Variants in CISD1 observed in about 807,000 individuals in gnomAD.
The protein encoded by CISD1 is CDGSH iron sulfur domain 1.
Under a neutral mutation model 12.0 loss-of-function variants are expected in CISD1, and 8 were observed. The observed-to-expected ratio is 0.67, with a 90% confidence interval of 0.39 to 1.20. The LOEUF is 1.20. CISD1 is among the 50% of genes most tolerant of loss of function. The pLI, the probability that CISD1 is intolerant of heterozygous loss-of-function variation, is 0.01. For synonymous variants in CISD1, 38 were observed against 42.2 expected, an observed-to-expected ratio of 0.90 and a Z score of 0.39; for missense variants, 107 against 132.7, an observed-to-expected ratio of 0.81 and a Z score of 0.95.
At chr10:58,269,960 G>A (rs764659959) in intron 1 of CISD1, among the ~76,000 whole-genome samples, 1 of 152,132 alleles carries the variant, frequency 6.6e-6, no homozygotes, top group African/African-American at 2.4e-5. Flanking sequence ...TTCGCAGAAA[G>A]TCCCGTTATA....
At chr10:58,273,658 C>T (rs1479296856) in intron 1 of CISD1, among the ~76,000 whole-genome samples, 1 of 152,124 alleles carries the variant, frequency 6.6e-6, no homozygotes, top group Non-Finnish European at 1.5e-5. Flanking sequence ...TACAATAGTA[C>T]TCCAATGGAA....
chr10:58,283,554 A>G (rs1055342241), intron 2 of CISD1, among the ~76,000 whole-genome samples: 4 of 152,226 alleles, frequency 2.6e-5, no homozygotes, highest in African/African-American at 9.6e-5. Context: ...GAGAAGGAAG[A>G]TAGTCTTTAA....
rs1321475654 is a variant in CISD1 at position 58,281,760 on chromosome 10, T to C, written c.237+4438T>C. Among the ~76,000 whole-genome samples, 3 of 152,358 alleles carry C rather than the reference T, an allele frequency of 2.0e-5. No homozygotes were observed. In the East Asian group the frequency reaches 5.8e-4, roughly 29 times the overall value. On this transcript the variant is annotated intron_variant, in intron 2 of 2. Transcript: ENST00000333926. ...TGTTATATGCGATACAAATTTCAAA[T>C]CTAATTCATTCTTAAGGTGCAGTCA...
intron 2 of CISD1, among the ~76,000 whole-genome samples, chr10:58,282,301 G>A (rs1189571890): frequency 6.6e-6 from 1 of 152,144 alleles, no homozygotes; most frequent in Non-Finnish European, 1.5e-5. Flanking sequence ...TTCCCTCGGT[G>A]TCCATGGATT....
intron 2 of CISD1, among the ~76,000 whole-genome samples, chr10:58,287,019 C>T (rs1256394241): frequency 6.6e-6 from 1 of 152,092 alleles, no homozygotes; most frequent in Admixed American, 6.5e-5. Flanking sequence ...CGCAACTTCC[C>T]CTCCCAGGTT....
At chr10:58,287,489 C>A in intron 2 of CISD1, 72 bp from the exon 3 acceptor site, 2 of 1,043,668 alleles carry the variant, frequency 1.9e-6, no homozygotes, top group Non-Finnish European at 1.4e-6. Flanking sequence ...AATTAAGCAT[C>A]ACCTTCCACT....
chr10:58,279,592 A>G (rs181482811), intron 2 of CISD1, among the ~76,000 whole-genome samples: 4 of 152,330 alleles, frequency 2.6e-5, no homozygotes, highest in East Asian at 1.9e-4. Flanking sequence ...GAAGAGCACT[A>G]TTCATTTGGA....
intron 1 of CISD1, among the ~76,000 whole-genome samples, chr10:58,270,998 A>C (rs1460804810): frequency 6.6e-6 from 1 of 151,354 alleles, no homozygotes; most frequent in Non-Finnish European, 1.5e-5. Context: ...TGGCTTCCCA[A>C]AGTGCTGAGA....
intron 1 of CISD1, among the ~76,000 whole-genome samples, chr10:58,273,088 TTTTGTTTG>T (rs887043789): frequency 2.0e-5 from 3 of 152,062 alleles, no homozygotes; most frequent in Admixed American, 6.6e-5. Context: ...ACCTGAAGTT[TTTTGTTTG>T]TTTGTTTGTT....
At chr10:58,273,807 G>T (rs1588979890) in intron 1 of CISD1, among the ~76,000 whole-genome samples, 1 of 152,304 alleles carries the variant, frequency 6.6e-6, no homozygotes, top group East Asian at 1.9e-4. Context: ...CCTAACTACA[G>T]GAATTAACTG....
intron 1 of CISD1, among the ~76,000 whole-genome samples, chr10:58,276,862 A>T (rs1225732704): frequency 6.6e-6 from 1 of 152,014 alleles, no homozygotes; most frequent in Non-Finnish European, 1.5e-5. Context: ...CAGCTCTAAA[A>T]TAATAATTTT....
Position 58,269,173 on chromosome 10 carries a change from G to C in CISD1, c.-101G>C, listed in dbSNP as rs1839206212. ...GGCGCCTGCGCGGTAGCATCGCGGAGTCGGTGCTTTAGTACGCCGCTGGCA... is the reference window on the plus strand; with the variant it reads ...GGCGCCTGCGCGGTAGCATCGCGGACTCGGTGCTTTAGTACGCCGCTGGCA... On this transcript the variant is annotated 5_prime_UTR_variant, in exon 1 of 3. Transcript: ENST00000333926. 7.0e-6 allele frequency: 9 copies of C among 1,279,112 alleles called. No homozygotes were observed. Among genetic ancestry groups the C allele is most frequent in the Admixed American group, 5.2e-5 (3 of 58,080 alleles). The allele number at this position is 1,279,112 out of a possible 1,614,324, so 79.2% of individuals were successfully genotyped here.
intron 1 of CISD1, among the ~76,000 whole-genome samples, chr10:58,270,632 C>T (rs925908420): frequency 6.6e-6 from 1 of 152,138 alleles, no homozygotes; most frequent in Non-Finnish European, 1.5e-5. Context: ...ATTTAGGTTG[C>T]ATATTATTGA....
intron 1 of CISD1, among the ~76,000 whole-genome samples, chr10:58,276,498 G>T (rs1839316481): frequency 6.6e-6 from 1 of 151,878 alleles, no homozygotes; most frequent in African/African-American, 2.4e-5. Flanking sequence ...AATGAAGAAT[G>T]ACTTTGAAAC....
rs769533510 is a variant in CISD1, at chr10:58,288,038, T to C, written c.*388T>C. The C allele has an allele frequency of 3.9e-5, 6 of 155,384 alleles. No homozygotes were observed. The highest frequency in any genetic ancestry group is 7.1e-5 in the Non-Finnish European group (5 of 70,174). The allele number at this position is 155,384 out of a possible 1,614,324, so 9.6% of individuals were successfully genotyped here. A position where few individuals can be genotyped will look rare whatever the true frequency, so the allele number is the denominator to read the frequency against. On this transcript the variant is annotated 3_prime_UTR_variant, in exon 3 of 3. Coordinates refer to ENST00000333926, the MANE Select transcript of CISD1 (RefSeq NM_018464.5). ...AAGTTTCAAAGAAAAATTACCATCT[T>C]TTCATATTGACCTGGAAACTAAATA... is the stretch of plus-strand genomic sequence containing the variant.
intron 1 of CISD1, among the ~76,000 whole-genome samples, 154 bp from the exon 2 acceptor site, chr10:58,276,963 A>G (rs1202831458): frequency 5.3e-5 from 8 of 152,198 alleles, no homozygotes; most frequent in Admixed American, 4.6e-4. Flanking sequence ...ACAAAGGACT[A>G]TTATACCAGT....
rs570542986 is a variant in CISD1 at position 58,279,266 on chromosome 10, C to G, written c.237+1944C>G. 3.8e-4 allele frequency among the ~76,000 whole-genome samples: 58 copies of G among 152,212 alleles called. No homozygotes were observed. In the East Asian group the frequency reaches 8.3e-3, roughly 22 times the overall value. On this transcript the variant is annotated intron_variant, in intron 2 of 2. Coordinates refer to ENST00000333926, the MANE Select transcript of CISD1 (RefSeq NM_018464.5). ...AACATAAGTAAATTTTGTGTTTAGG[C>G]TTGGATCCCATCCCCAAGATAACCT...
At chr10:58,280,298 G>A (rs1438042142) in intron 2 of CISD1, among the ~76,000 whole-genome samples, 1 of 152,118 alleles carries the variant, frequency 6.6e-6, no homozygotes, top group Non-Finnish European at 1.5e-5. Context: ...TACTTTTACC[G>A]GGGTGCTAGC....
At chr10:58,269,672 T>C (rs546721700) in intron 1 of CISD1, among the ~76,000 whole-genome samples, 113 of 152,356 alleles carry the variant, frequency 7.4e-4, no homozygotes, top group Admixed American at 2.2e-3. Flanking sequence ...CAAACCTGTT[T>C]GCCCTTCTCA....
Sources: gnomAD v4.1 joint callset for allele counts (sites outside exome capture counted in the v4.1 genomes callset) on GRCh38, gnomAD v4.1.1 for gene constraint, MANE v1.5 for transcripts, NCBI Gene and HGNC (gene_info 2026-07-23, HGNC 2026-07-21) for gene names.